Variants in INSR observed in about 807,000 individuals in gnomAD.
INSR encodes insulin receptor.
Under a neutral mutation model 142.6 loss-of-function variants are expected in INSR, and 67 were observed. That is an observed-to-expected ratio of 0.47 (90% CI 0.39 to 0.58). The LOEUF (loss-of-function observed/expected upper bound fraction) is 0.58, where lower values mean the gene tolerates loss of function less well. Ranked by LOEUF, INSR falls within the 20% of genes least tolerant of loss-of-function variation. INSR has a pLI of 0.00. For synonymous variants in INSR, 756 were observed against 743.1 expected, an observed-to-expected ratio of 1.02 and a Z score of -0.28; for missense variants, 1,248 against 1,833.2, an observed-to-expected ratio of 0.68 and a Z score of 5.83.
At chr19:7,162,903 A>AGT (rs60452030) in intron 9 of INSR, 129 bp downstream of exon 9, 97 of 757,074 alleles carry the variant, frequency 1.3e-4, no homozygotes, top group Non-Finnish European at 1.5e-4. Flanking sequence ...GATAGAATGG[A>AGT]GTGTGTGTGT....
At chr19:7,253,228 ATTTG>A (rs1382375729) in intron 2 of INSR, among the ~76,000 whole-genome samples, 4 of 111,294 alleles carry the variant, frequency 3.6e-5, no homozygotes, top group South Asian at 2.8e-4. Context: ...TTATTTATTT[ATTTG>A]TTTATTTATT....
At chr19:7,135,304 CTTTT>C (rs34080394) in intron 13 of INSR, among the ~76,000 whole-genome samples, 25 of 60,054 alleles carry the variant, frequency 4.2e-4, no homozygotes, top group African/African-American at 1.9e-3. Context: ...AATGCATCTT[CTTTT>C]TTTTTTTTTT....
At position 7,197,516 on chromosome 19, in the gene INSR, G is replaced by GGTGTGTGTGT. The variant is rs552352795; in HGVS notation, c.653-12889_653-12880dup. 1.0e-3 allele frequency among the ~76,000 whole-genome samples: 73 copies of GGTGTGTGTGT among 70,924 alleles called. 2 individuals carry two copies. The highest frequency in any genetic ancestry group is 4.1e-3 in the African/African-American group (68 of 16,418). 46.5% of individuals were successfully genotyped at this position (70,924 alleles called of 152,430 possible). A position where few individuals can be genotyped will look rare whatever the true frequency, so the allele number is the denominator to read the frequency against. On this transcript the variant is annotated intron_variant, in intron 2 of 21. Coordinates refer to ENST00000302850, the MANE Select transcript of INSR (RefSeq NM_000208.4). ...TGGCAGGTTCCAGAGTGGGAGTGGG[G>GGTGTGTGTGT]GTGTGTGTGTGTGTGTGTGTGTGTG...
At chr19:7,184,081 G>A (rs1312536534) in intron 3 of INSR, among the ~76,000 whole-genome samples, 1 of 106,256 alleles carries the variant, frequency 9.4e-6, no homozygotes, top group Non-Finnish European at 2.0e-5. Context: ...AAAAAGAATG[G>A]TGGGCACAAT....
chr19:7,132,129 A>C, intron 14 of INSR, 29 bp downstream of exon 14: 1 of 1,613,830 alleles, frequency 6.2e-7, no homozygotes. Flanking sequence ...GCACAGCCCC[A>C]GTCAGCTGAG....
At chr19:7,253,026 A>C (rs1412356607) in intron 2 of INSR, among the ~76,000 whole-genome samples, 2 of 151,226 alleles carry the variant, frequency 1.3e-5, no homozygotes, top group Non-Finnish European at 2.9e-5. Context: ...GAGGCGGGGG[A>C]ATCCCTTGAA....
intron 2 of INSR, among the ~76,000 whole-genome samples, chr19:7,234,675 C>T (rs935577439): frequency 2.0e-5 from 3 of 152,080 alleles, no homozygotes; most frequent in Non-Finnish European, 4.4e-5. Context: ...TCGACAGTTC[C>T]GAGTATCAGG....
At chr19:7,198,309 C>A (rs555780730) in intron 2 of INSR, among the ~76,000 whole-genome samples, 1 of 151,832 alleles carries the variant, frequency 6.6e-6, no homozygotes, top group Non-Finnish European at 1.5e-5. Flanking sequence ...GGCGCTCGGG[C>A]AGTGGCCGCC....
At position 7,293,930 on chromosome 19, in the gene INSR, C is replaced by A; in HGVS notation, c.-39G>T. The A allele has an allele frequency of 8.6e-7, 1 of 1,167,252 alleles. No homozygotes were observed. The highest frequency in any genetic ancestry group is 1.1e-6 in the Non-Finnish European group (1 of 948,850). 72.3% of individuals were successfully genotyped at this position (1,167,252 alleles called of 1,614,324 possible). A position where few individuals can be genotyped will look rare whatever the true frequency, so the allele number is the denominator to read the frequency against. The stretch of plus-strand genomic sequence containing the variant: ...CGGGGTCTCCTCGGATCAGAGCGCG[C>A]GGCGCTGGCCCGCGGGGGTCATGCT... On this transcript the variant is annotated 5_prime_UTR_variant, in exon 1 of 22. Coordinates refer to ENST00000302850, the MANE Select transcript of INSR (RefSeq NM_000208.4).
intron 2 of INSR, among the ~76,000 whole-genome samples, chr19:7,263,692 T>TG (rs1418224769): frequency 6.6e-6 from 1 of 152,106 alleles, no homozygotes; most frequent in Non-Finnish European, 1.5e-5. Flanking sequence ...CACAAAAGCC[T>TG]GGTTCTTAAT....
chr19:7,229,332 A>ATAGATGGATGGATG (rs1568204425), intron 2 of INSR, among the ~76,000 whole-genome samples: 151 of 81,944 alleles, frequency 1.8e-3, no homozygotes, highest in African/African-American at 6.1e-3. Flanking sequence ...ATGGATGGAT[A>ATAGATGGATGGATG]GATGGATGGA....
chr19:7,191,372 GAAAGA>G (rs1358359034), intron 2 of INSR, among the ~76,000 whole-genome samples: 2 of 121,040 alleles, frequency 1.7e-5, no homozygotes, highest in Non-Finnish European at 3.6e-5. Context: ...GGGAAGGAGG[GAAAGA>G]AAAGAAAGAA....
chr19:7,210,206 G>A lies in INSR; in HGVS notation c.653-25569C>T, dbSNP rs141715282. Among the ~76,000 whole-genome samples, 101 of 152,032 alleles carry A rather than the reference G, an allele frequency of 6.6e-4. 1 individual carries two copies. Among genetic ancestry groups the A allele is most frequent in the Middle Eastern group, 3.4e-3 (1 of 294 alleles). On this transcript the variant is annotated intron_variant, in intron 2 of 21. Transcript: ENST00000302850. ...CTAAAAATACAAAAATTAGTCAGGTGTGGTGGTGTGTGACTGTAATCCCAG... is the reference window on the plus strand; with the variant it reads ...CTAAAAATACAAAAATTAGTCAGGTATGGTGGTGTGTGACTGTAATCCCAG...
chr19:7,122,535 G>A (rs980286803), intron 19 of INSR, 79 bp downstream of exon 19: 23 of 1,445,098 alleles, frequency 1.6e-5, no homozygotes, highest in African/African-American at 4.2e-5. Context: ...AAGACTTAAC[G>A]GCTCATTATA....
intron 4 of INSR, among the ~76,000 whole-genome samples, chr19:7,172,928 A>G (rs1456357704): frequency 6.6e-6 from 1 of 151,896 alleles, no homozygotes; most frequent in African/African-American, 2.4e-5. Context: ...TTAGAGGTTG[A>G]CAAATGACAG....
In INSR at chr19:7,126,643, T is replaced by C; in HGVS notation, c.2954A>G (p.Asp985Gly). 1 of 1,564,568 alleles carries C rather than the reference T, an allele frequency of 6.4e-7. No individual in the cohort carries two copies. The highest frequency in any genetic ancestry group is 8.7e-7 in the Non-Finnish European group (1 of 1,152,860). ...AGCGTAAAGCGGTCCCAGCGGCCCA[T>C]CTGGCTGCCTGGAGGAGGAAAACGA... ...IYLFLRKRQP[D>G]GPLGPLYASS... The change falls in exon 16 of 22, where the codon GAT (aspartate) becomes GGT (glycine). Residue 985 changes from aspartate to glycine, a missense_variant. Asp to Gly is a moderately conservative substitution (Grantham distance 94, BLOSUM62 -1). Around this residue, in one of 3 missense-constraint regions of INSR, gnomAD observed 1,069 missense variants for 1,654.0 expected, o/e 0.65. Transcript: ENST00000302850.
At position 7,125,286 on chromosome 19, in the gene INSR, G is replaced by A. The variant is rs1799817; in HGVS notation, c.3255C>T (p.His1085=). Reference sequence around the variant, plus strand: ...GTCCCACCCCCACTGGACTCACCACGTGATGGCAGGTGAAGCCCTTCATGA... The same window carrying A: ...GTCCCACCCCCACTGGACTCACCACATGATGGCAGGTGAAGCCCTTCATGA... ...ASVMKGFTCH[H]VVRLLGVVSK... is the part of the protein sequence containing the mutation. Residue 1085 remains histidine, a synonymous_variant, in exon 17 of 22, where the codon CAC becomes CAT. Transcript: ENST00000302850. This position sits in a 1 kb window ranked among gnomAD's most constrained non-coding sequence, Gnocchi z 4.9. The A allele has an allele frequency of 0.2, 322,008 of 1,613,618 alleles. 34,069 individuals are homozygous for A. The highest frequency in any genetic ancestry group is 0.37 in the East Asian group (16,716 of 44,830).
At chr19:7,280,953 C>T (rs1968190533) in intron 1 of INSR, among the ~76,000 whole-genome samples, 1 of 152,032 alleles carries the variant, frequency 6.6e-6, no homozygotes, top group Non-Finnish European at 1.5e-5. Flanking sequence ...GTATGAAAGG[C>T]CAGGGACTAG....
intron 2 of INSR, among the ~76,000 whole-genome samples, chr19:7,233,829 C>T (rs1976074044): frequency 6.6e-6 from 1 of 150,726 alleles, no homozygotes; most frequent in Admixed American, 6.6e-5. Flanking sequence ...GCGCCCGCCA[C>T]CACACCCGGC....
Sources: gnomAD v4.1 joint callset for allele counts (sites outside exome capture counted in the v4.1 genomes callset) on GRCh38, gnomAD v4.1.1 for gene constraint, gnomAD v4.1.1 regional missense constraint, Gnocchi (gnomAD v3.1) non-coding constraint, MANE v1.5 for transcripts, NCBI Gene and HGNC (gene_info 2026-07-23, HGNC 2026-07-21) for gene names.